The following KIF13A variants were observed in gnomAD, a reference collection of about 807,000 sequenced individuals.
KIF13A encodes kinesin-like protein KIF13A.
In KIF13A, 79 loss-of-function variants were observed where a neutral mutation model predicts 212.2. That is an observed-to-expected ratio of 0.37 (90% CI 0.31 to 0.45). The LOEUF is 0.45. Among genes scored for constraint, KIF13A ranks in the 20% least tolerant of loss-of-function variants. The pLI, the probability that KIF13A is intolerant of heterozygous loss-of-function variation, is 1.00. For synonymous variants in KIF13A, 789 were observed against 808.6 expected (o/e 0.98, Z 0.41); for missense variants, 1,901 against 2,209.0 (o/e 0.86, Z 2.79).
intron 2 of KIF13A, among the ~76,000 whole-genome samples, chr6:17,975,689 T>C (rs1780359720): frequency 6.6e-6 from 1 of 152,188 alleles, no homozygotes; most frequent in Admixed American, 6.5e-5. Context: ...AGGGCGCTGA[T>C]TGGTGCGTTT....
chr6:17,807,435 C>T (rs1763061205), intron 18 of KIF13A, among the ~76,000 whole-genome samples: 2 of 152,058 alleles, frequency 1.3e-5, no homozygotes, highest in African/African-American at 4.8e-5. Flanking sequence ...GCCCTGGTCT[C>T]CTGCAGTACC....
Position 17,849,464 on chromosome 6 carries a change from A to G in KIF13A, c.743T>C (p.Val248Ala). 6.2e-7 allele frequency: 1 copy of G among 1,613,630 alleles called. No homozygotes were observed. Among genetic ancestry groups the G allele is most frequent in the Non-Finnish European group, 8.5e-7 (1 of 1,179,720 alleles). Residue 248 changes from valine (V) to alanine (A), a missense_variant, in exon 9 of 39, where the codon GTC becomes GCC. Val to Ala is a moderately conservative substitution (Grantham distance 64). Around this residue, in one of 5 missense-constraint regions of KIF13A, gnomAD observed 506 missense variants for 637.4 expected, o/e 0.79. Coordinates refer to ENST00000259711, the MANE Select transcript of KIF13A (RefSeq NM_022113.6). The surrounding 1 kb of genome is among the most constrained non-coding windows in gnomAD (Gnocchi z 5.7). ...SGNSGEKVSK[V>A]SLVDLAGSER... is the part of the protein sequence containing the mutation. Reference sequence around the variant, plus strand: ...GCTACCCGCCAGGTCTACCAAGCTGACCTTACTGACTTTCTCCCCGGAATT... The same window carrying G: ...GCTACCCGCCAGGTCTACCAAGCTGGCCTTACTGACTTTCTCCCCGGAATT...
rs565216218 is a variant in KIF13A, at chr6:17,924,297, G to C, written c.147-26117C>G. 2.0e-3 allele frequency among the ~76,000 whole-genome samples: 308 copies of C among 152,278 alleles called. 1 individual carries two copies. Among genetic ancestry groups the C allele is most frequent in the African/African-American group, 7.1e-3 (295 of 41,552 alleles). The stretch of plus-strand genomic sequence containing the variant: ...CTGACACTAATTACAATACTAGTTA[G>C]AGCTGGTGACAATAGACATTTTAGG... On this transcript the variant is annotated intron_variant, in intron 2 of 38. Transcript: ENST00000259711.
chr6:17,921,333 C>T (rs1183808008), intron 2 of KIF13A, among the ~76,000 whole-genome samples: 1 of 152,200 alleles, frequency 6.6e-6, no homozygotes, highest in East Asian at 1.9e-4. Flanking sequence ...CAAGGGAACA[C>T]ACTTCAAGGA....
At chr6:17,805,645 C>T in intron 18 of KIF13A, 30 bp from the exon 19 acceptor site, 1 of 1,560,772 alleles carries the variant, frequency 6.4e-7, no homozygotes, top group Non-Finnish European at 8.7e-7. Context: ...AAAACAAACC[C>T]TGTTATAACT....
At position 17,872,029 on chromosome 6, in the gene KIF13A, A is replaced by G. The variant is rs1770058603; in HGVS notation, c.220+1348T>C. Among the ~76,000 whole-genome samples, 1 of 152,222 alleles carries G rather than the reference A, an allele frequency of 6.6e-6. No individual in the cohort carries two copies. The highest frequency in any genetic ancestry group is 2.4e-5 in the African/African-American group (1 of 41,458). The stretch of plus-strand genomic sequence containing the variant: ...ACATAAAGTCCCAAAGGACTGATAA[A>G]AAGACAAATTAATTACAACCAACAT... On this transcript the variant is annotated intron_variant, in intron 4 of 38. Transcript: ENST00000259711. The surrounding 1 kb of genome is among the most constrained non-coding windows in gnomAD (Gnocchi z 4.7).
chr6:17,970,326 G>C (rs967601979), intron 2 of KIF13A, among the ~76,000 whole-genome samples: 2 of 152,002 alleles, frequency 1.3e-5, no homozygotes, highest in African/African-American at 4.8e-5. Flanking sequence ...AGCAGGCCGG[G>C]CATGGTGACT....
chr6:17,869,955 C>T (rs1769849584), intron 4 of KIF13A, among the ~76,000 whole-genome samples: 1 of 152,138 alleles, frequency 6.6e-6, no homozygotes. Context: ...CCCCTGTTTT[C>T]CACCAGATAA....
chr6:17,762,675 G>A (rs1033181838), downstream of KIF13A, among the ~76,000 whole-genome samples: 3 of 152,222 alleles, frequency 2.0e-5, no homozygotes, highest in Non-Finnish European at 4.4e-5. Context: ...TATACCAGCT[G>A]TGTAGCTTCT....
chr6:17,808,718 C>A, intron 18 of KIF13A, 50 bp downstream of exon 18: 1 of 1,530,108 alleles, frequency 6.5e-7, no homozygotes, highest in Non-Finnish European at 8.9e-7. Flanking sequence ...TCCTATTTTA[C>A]AATATTTACT....
At chr6:17,902,505 A>C (rs1157041665) in intron 2 of KIF13A, among the ~76,000 whole-genome samples, 11 of 152,154 alleles carry the variant, frequency 7.2e-5, no homozygotes, top group Admixed American at 7.2e-4. Context: ...CTTCCAGGAC[A>C]AGCAGTTTGA....
intron 4 of KIF13A, among the ~76,000 whole-genome samples, chr6:17,859,779 G>A (rs1221463638): frequency 6.6e-6 from 1 of 151,458 alleles, no homozygotes; most frequent in Non-Finnish European, 1.5e-5. Context: ...GGGATTACAG[G>A]TATGCAACAC....
rs12202044 is a variant in KIF13A, at chr6:17,982,040, G to A, written c.146+5014C>T. Among the ~76,000 whole-genome samples, 14,622 of 151,778 alleles carry A rather than the reference G, an allele frequency of 0.096. 887 individuals carry two copies. The highest frequency in any genetic ancestry group is 0.18 in the East Asian group (920 of 5,154). ...AAATGCTTGGGACCAGAAGTGTTTT[G>A]GATTTTGAATTTTTCTTGAATTTGG... is the stretch of plus-strand genomic sequence containing the variant. On this transcript the variant is annotated intron_variant, in intron 2 of 38. Transcript: ENST00000259711. The surrounding 1 kb of genome is among the most constrained non-coding windows in gnomAD (Gnocchi z 5.1).
intron 2 of KIF13A, among the ~76,000 whole-genome samples, chr6:17,986,402 A>G (rs892795085): frequency 2.6e-5 from 4 of 152,228 alleles, no homozygotes; most frequent in Admixed American, 6.5e-5. Context: ...GTTGCCATCT[A>G]GTAAATACAG....
At chr6:17,962,496 G>A (rs1249388841) in intron 2 of KIF13A, among the ~76,000 whole-genome samples, 2 of 152,032 alleles carry the variant, frequency 1.3e-5, no homozygotes, top group Non-Finnish European at 2.9e-5. Flanking sequence ...CAGATGACAC[G>A]GACCACAGAG....
intron 4 of KIF13A, among the ~76,000 whole-genome samples, chr6:17,861,890 T>C (rs1768827120): frequency 6.6e-6 from 1 of 152,236 alleles, no homozygotes; most frequent in Admixed American, 6.5e-5. Flanking sequence ...GTCTTTCATA[T>C]TCAAATCTTT....
chr6:17,897,080 C>T lies in KIF13A; in HGVS notation c.159+1088G>A, dbSNP rs923022223. Among the ~76,000 whole-genome samples the T allele has an allele frequency of 6.6e-5, 10 of 152,152 alleles. No homozygotes were observed. Among genetic ancestry groups the T allele is most frequent in the Admixed American group, 2.0e-4 (3 of 15,266 alleles). On this transcript the variant is annotated intron_variant, in intron 3 of 38. Transcript: ENST00000259711. The surrounding 1 kb of genome is among the most constrained non-coding windows in gnomAD (Gnocchi z 4.8). ...ATATATTTCCTCTTTCTTAACAGAT[C>T]TTATATCATTTGTTCAATGCATGCC...
At chr6:17,797,674 T>C (rs1056100761) in intron 22 of KIF13A, among the ~76,000 whole-genome samples, 3 of 152,124 alleles carry the variant, frequency 2.0e-5, no homozygotes, top group Admixed American at 6.5e-5. Context: ...GGCAGGAGGA[T>C]AGCTGGACAA....
At chr6:17,972,086 C>T (rs1779851223) in intron 2 of KIF13A, among the ~76,000 whole-genome samples, 1 of 152,168 alleles carries the variant, frequency 6.6e-6, no homozygotes, top group Non-Finnish European at 1.5e-5. Context: ...TATTACCATG[C>T]TAATGTTACC....
Sources: allele counts gnomAD v4.1 joint callset (sites outside exome capture counted in the v4.1 genomes callset), GRCh38; gene constraint gnomAD v4.1.1; regional missense constraint gnomAD v4.1.1; non-coding constraint Gnocchi (gnomAD v3.1); transcripts MANE v1.5; gene names NCBI Gene and HGNC (gene_info 2026-07-23, HGNC 2026-07-21).